Variants in ANKFN1 observed in about 807,000 individuals in gnomAD.
ANKFN1 encodes ankyrin repeat and fibronectin type III domain containing 1.
Under a neutral mutation model 108.7 loss-of-function variants are expected in ANKFN1, and 74 were observed. The ratio of observed to expected loss-of-function variants is 0.68; its 90% CI spans 0.56 to 0.83. ANKFN1 has a LOEUF of 0.83. ANKFN1 is among the 40% of genes least tolerant of loss of function. The pLI is 0.00. For synonymous variants in ANKFN1, 547 were observed against 516.2 expected (o/e 1.06, Z -0.81); for missense variants, 1,505 against 1,382.3 (o/e 1.09, Z -1.41).
intron 1 of ANKFN1, among the ~76,000 whole-genome samples, chr17:56,175,547 C>A (rs1451242942): frequency 6.6e-6 from 1 of 152,138 alleles, no homozygotes; most frequent in Non-Finnish European, 1.5e-5. Context: ...CAGAAATGAG[C>A]AACTCAGCTC....
At chr17:56,244,876 A>T (rs1232144369) in intron 3 of ANKFN1, among the ~76,000 whole-genome samples, 2 of 152,082 alleles carry the variant, frequency 1.3e-5, no homozygotes, top group East Asian at 3.9e-4. Context: ...TATCACTCAG[A>T]TGGCCATTTT....
At chr17:56,184,573 C>T (rs2143647183) in intron 1 of ANKFN1, among the ~76,000 whole-genome samples, 1 of 152,266 alleles carries the variant, frequency 6.6e-6, no homozygotes, top group African/African-American at 2.4e-5. Context: ...CTGTTTCCTA[C>T]ATGCAGATGA....
At chr17:56,087,447 C>A (rs563767701) in intron 4 of ANKFN1, among the ~76,000 whole-genome samples, 2 of 151,360 alleles carry the variant, frequency 1.3e-5, no homozygotes, top group African/African-American at 2.4e-5. Context: ...TCTCTCTACT[C>A]AGCACTCTCT....
intron 4 of ANKFN1, 56 bp downstream of exon 4, chr17:56,326,411 C>T (rs2144537060): frequency 6.4e-7 from 1 of 1,560,534 alleles, no homozygotes; most frequent in Admixed American, 2.0e-5. Context: ...TTCTTAATTA[C>T]TGATTATTTT....
intron 8 of ANKFN1, among the ~76,000 whole-genome samples, chr17:56,422,541 T>C (rs1278090969): frequency 6.6e-6 from 1 of 152,140 alleles, no homozygotes; most frequent in Non-Finnish European, 1.5e-5. Flanking sequence ...TCTCTGAATA[T>C]GCTGCTACAA....
intron 4 of ANKFN1, among the ~76,000 whole-genome samples, chr17:56,085,906 G>A (rs2143178022): frequency 6.6e-6 from 1 of 151,428 alleles, no homozygotes; most frequent in East Asian, 1.9e-4. Flanking sequence ...TCTCTTTGCA[G>A]AGTTTGAATT....
In ANKFN1 at chr17:56,427,554, C is replaced by G. The variant is rs554467708; in HGVS notation, c.911-12773C>G. 2.0e-5 allele frequency among the ~76,000 whole-genome samples: 3 copies of G among 152,132 alleles called. No homozygotes were observed. In the South Asian group the frequency reaches 6.3e-4, roughly 32 times the overall value. On this transcript the variant is annotated intron_variant, in intron 8 of 20. Transcript: ENST00000682825. Reference sequence around the variant, plus strand: ...TGCTTGGTGGTCACTGCCCCCAACCCTCTCTCCTTCTTGAAATGCATAACA... The same window carrying G: ...TGCTTGGTGGTCACTGCCCCCAACCGTCTCTCCTTCTTGAAATGCATAACA...
At chr17:56,400,373 T>C (rs913285491) in intron 8 of ANKFN1, among the ~76,000 whole-genome samples, 2 of 152,134 alleles carry the variant, frequency 1.3e-5, no homozygotes, top group Non-Finnish European at 2.9e-5. Context: ...TGTTGGCCAT[T>C]TGTATATCAT....
intron 4 of ANKFN1, among the ~76,000 whole-genome samples, chr17:56,083,744 T>A (rs1905275871): frequency 6.6e-6 from 1 of 151,224 alleles, no homozygotes. Flanking sequence ...AGAGCTAAGG[T>A]GGCTGAGGGA....
chr17:56,456,986 A>G, intron 12 of ANKFN1, 26 bp downstream of exon 12: 1 of 1,595,812 alleles, frequency 6.3e-7, no homozygotes, highest in Non-Finnish European at 8.6e-7. Context: ...TTTTTTCAGG[A>G]AATCTTAACT....
At chr17:56,270,451 AG>A (rs989008728) in intron 3 of ANKFN1, among the ~76,000 whole-genome samples, 1 of 152,214 alleles carries the variant, frequency 6.6e-6, no homozygotes, top group African/African-American at 2.4e-5. Flanking sequence ...CAGTCATCCC[AG>A]GGAAAGACAG....
chr17:56,457,772 C>T (rs1330007730), intron 13 of ANKFN1, 91 bp from the exon 14 acceptor site: 1 of 912,200 alleles, frequency 1.1e-6, no homozygotes, highest in Non-Finnish European at 1.8e-6. Context: ...CATCAGGGGT[C>T]AGATTTCTTT....
In ANKFN1 at chr17:56,312,422, C is replaced by G. The variant is rs1272727089; in HGVS notation, c.54-13799C>G. On this transcript the variant is annotated intron_variant, in intron 3 of 20. Coordinates refer to ENST00000682825, the MANE Select transcript of ANKFN1 (RefSeq NM_001370326.1). Reference sequence around the variant, plus strand: ...GGTTAGCATCTAGGCATTATTTCTGCTGATCTTACTCTGACCCATTCTCCC... The same window carrying G: ...GGTTAGCATCTAGGCATTATTTCTGGTGATCTTACTCTGACCCATTCTCCC... 2.6e-5 allele frequency among the ~76,000 whole-genome samples: 4 copies of G among 152,116 alleles called. No homozygotes were observed. In the East Asian group the frequency reaches 7.7e-4, roughly 29 times the overall value.
rs949391261 is a variant in ANKFN1, at chr17:56,194,216, A to G, written c.-70-18382A>G. On this transcript the variant is annotated intron_variant, in intron 1 of 20. Transcript: ENST00000682825. ...GAAGACAGTTTGGTGATTTCTTACA[A>G]GACCGAACATACTTTTGCTGTACTA... is the stretch of plus-strand genomic sequence containing the variant. Among the ~76,000 whole-genome samples, 7 of 152,352 alleles carry G rather than the reference A, an allele frequency of 4.6e-5. No individual in the cohort carries two copies. The Middle Eastern group carries it at 0.01, about 222-fold the overall frequency.
chr17:56,391,987 C>T (rs1320958560), intron 8 of ANKFN1, among the ~76,000 whole-genome samples: 1 of 152,034 alleles, frequency 6.6e-6, no homozygotes, highest in Non-Finnish European at 1.5e-5. Flanking sequence ...GGGGATGTAA[C>T]CATAAACAAA....
Position 56,221,747 on chromosome 17 carries a change from C to A in ANKFN1, c.13-6170C>A, listed in dbSNP as rs2143870090. 1.3e-5 allele frequency among the ~76,000 whole-genome samples: 2 copies of A among 152,308 alleles called. 1 individual carries two copies. Among genetic ancestry groups the A allele is most frequent in the Middle Eastern group, 6.8e-3 (2 of 292 alleles). On this transcript the variant is annotated intron_variant, in intron 2 of 20. Coordinates refer to ENST00000682825, the MANE Select transcript of ANKFN1 (RefSeq NM_001370326.1). ...ATGGGAAAAGCTGAAGCTCGGCCTACATTTGTTTGCAGTACAGGAGTCCCC... is the reference window on the plus strand; with the variant it reads ...ATGGGAAAAGCTGAAGCTCGGCCTAAATTTGTTTGCAGTACAGGAGTCCCC...
chr17:56,458,052 A>G (rs2049774755), intron 14 of ANKFN1, 73 bp downstream of exon 14: 2 of 1,267,814 alleles, frequency 1.6e-6, no homozygotes, highest in African/African-American at 1.5e-5. Context: ...TACCAGTCCT[A>G]CCTAGAAAGG....
chr17:56,225,118 T>G (rs766649737), intron 2 of ANKFN1, among the ~76,000 whole-genome samples: 2 of 152,150 alleles, frequency 1.3e-5, no homozygotes, highest in African/African-American at 4.8e-5. Flanking sequence ...TCTGCCAAAG[T>G]ATATGCAAAT....
chr17:56,506,928 A>G (rs1419803576), intron 20 of ANKFN1, among the ~76,000 whole-genome samples: 1 of 152,190 alleles, frequency 6.6e-6, no homozygotes, highest in African/African-American at 2.4e-5. Context: ...CAAAATGAGA[A>G]TTGCTGTAAG....
Sources: allele counts gnomAD v4.1 joint callset (sites outside exome capture counted in the v4.1 genomes callset), GRCh38; gene constraint gnomAD v4.1.1; transcripts MANE v1.5; gene names NCBI Gene and HGNC (gene_info 2026-07-23, HGNC 2026-07-21).